SFSWAP: variants seen among roughly 807,000 people sequenced by gnomAD.
SFSWAP encodes splicing factor, suppressor of white-apricot homolog.
In SFSWAP, 17 loss-of-function variants were observed where a neutral mutation model predicts 100.7. The ratio of observed to expected loss-of-function variants is 0.17; its 90% CI spans 0.12 to 0.25. The LOEUF is 0.25. Ranked by LOEUF, SFSWAP falls within the 10% of genes least tolerant of loss-of-function variation. SFSWAP has a pLI of 1.00. For synonymous variants in SFSWAP, 504 were observed against 510.1 expected (o/e 0.99, Z 0.16); for missense variants, 1,005 against 1,262.6 (o/e 0.80, Z 3.09).
At chr12:131,743,645 A>C (rs1213687331) in intron 7 of SFSWAP, among the ~76,000 whole-genome samples, 2 of 152,182 alleles carry the variant, frequency 1.3e-5, no homozygotes, top group African/African-American at 4.8e-5. Context: ...GCACGGTGCA[A>C]GCTGTTGGTG....
chr12:131,775,612 A>T (rs1883959818), intron 13 of SFSWAP, among the ~76,000 whole-genome samples: 1 of 152,194 alleles, frequency 6.6e-6, no homozygotes, highest in African/African-American at 2.4e-5. Flanking sequence ...GGGAGAGGCC[A>T]TAGCTAGGAT....
At chr12:131,735,688 C>G (rs989734969) in intron 7 of SFSWAP, among the ~76,000 whole-genome samples, 1 of 152,232 alleles carries the variant, frequency 6.6e-6, no homozygotes, top group African/African-American at 2.4e-5. Flanking sequence ...GTGGTCCTCA[C>G]GTGAGCTGCA....
chr12:131,799,431 G>A lies in SFSWAP; in HGVS notation c.2799G>A (p.Met933Ile). ...TGTCTCGCCCTGCACAGGATCTCAT[G>A]GCCAAAGTCAGAGCGATGCTTGCAG... ...SVQSKITQDLMAKVRAMLAAS... is the reference protein window; with the variant it reads ...SVQSKITQDLIAKVRAMLAAS... The change falls in exon 18 of 18, where the codon ATG becomes ATA. Residue 933 changes from methionine to isoleucine, a missense_variant. Physicochemically the swap from Met to Ile is conservative, Grantham distance 10. Coordinates refer to ENST00000261674, the MANE Select transcript of SFSWAP (RefSeq NM_004592.4). 1 of 1,614,140 alleles carries A rather than the reference G, an allele frequency of 6.2e-7. No homozygotes were observed. The highest frequency in any genetic ancestry group is 1.1e-5 in the South Asian group (1 of 91,076).
At position 131,799,560 on chromosome 12, in the gene SFSWAP, A is replaced by G. The variant is rs762091882; in HGVS notation, c.*72A>G. 4 of 1,298,034 alleles carry G rather than the reference A, an allele frequency of 3.1e-6. No homozygotes were observed. Among genetic ancestry groups the G allele is most frequent in the Non-Finnish European group, 4.4e-6 (4 of 918,310 alleles). The allele number at this position is 1,298,034 out of a possible 1,614,324, so 80.4% of individuals were successfully genotyped here. A position where few individuals can be genotyped will look rare whatever the true frequency, so the allele number is the denominator to read the frequency against. On this transcript the variant is annotated 3_prime_UTR_variant, in exon 18 of 18. Transcript: ENST00000261674. ...GCAGGCTCACGCAGACGCCGGCCACACCATCCACCTGGCCGCCTCCATGGA... is the reference window on the plus strand; with the variant it reads ...GCAGGCTCACGCAGACGCCGGCCACGCCATCCACCTGGCCGCCTCCATGGA...
intron 7 of SFSWAP, among the ~76,000 whole-genome samples, chr12:131,751,127 G>T (rs531490202): frequency 6.6e-6 from 1 of 152,230 alleles, no homozygotes; most frequent in African/African-American, 2.4e-5. Context: ...AACAGTCTGC[G>T]TGTTCTTTAA....
chr12:131,735,913 A>C (rs1319306556), intron 7 of SFSWAP, among the ~76,000 whole-genome samples: 2 of 152,252 alleles, frequency 1.3e-5, no homozygotes, highest in East Asian at 3.8e-4. Flanking sequence ...GTTTGCATAA[A>C]TTTTCATCAA....
At chr12:131,762,925 C>G (rs975182903) in intron 11 of SFSWAP, among the ~76,000 whole-genome samples, 4 of 152,040 alleles carry the variant, frequency 2.6e-5, no homozygotes, top group Non-Finnish European at 2.9e-5. Flanking sequence ...TGGAAAATCT[C>G]AAACATGTAC....
In SFSWAP at chr12:131,711,103, C is replaced by A; in HGVS notation, c.-127C>A. ...TGCCCCTCCACCATTTTGTGGCCCG[C>A]TATGGCGGCGGTGTTGAGGTTGGGT... On this transcript the variant is annotated 5_prime_UTR_variant, in exon 1 of 18. Transcript: ENST00000261674. The surrounding 1 kb of genome is among the most constrained non-coding windows in gnomAD (Gnocchi z 4.9). 1 of 745,424 alleles carries A rather than the reference C, an allele frequency of 1.3e-6. No individual in the cohort carries two copies. Among genetic ancestry groups the A allele is most frequent in the Non-Finnish European group, 2.1e-6 (1 of 473,496 alleles). The allele number at this position is 745,424 out of a possible 1,614,324, so 46.2% of individuals were successfully genotyped here.
chr12:131,719,563 G>A (rs756997802), intron 4 of SFSWAP, 24 bp downstream of exon 4: 1 of 1,538,704 alleles, frequency 6.5e-7, no homozygotes, highest in Admixed American at 1.7e-5. Context: ...ATGAGCACTA[G>A]TTGTCGTCAT....
In SFSWAP at chr12:131,797,230, A is replaced by C; in HGVS notation, c.2587A>C (p.Lys863Gln). The C allele has an allele frequency of 1.2e-6, 2 of 1,612,450 alleles. No homozygotes were observed. The highest frequency in any genetic ancestry group is 1.7e-4 in the Middle Eastern group (1 of 6,060). ...GCGGTCCCGGTCGCGGACCAAGTCC[A>C]AGGCCAGGTCTCAGTCGGTGTCACC... ...KRRSRSRTKS[K>Q]ARSQSVSPSK... The change falls in exon 16 of 18, where the codon AAG (lysine) becomes CAG (glutamine). Residue 863 changes from lysine (K) to glutamine (Q), a missense_variant. By Grantham distance (53) the Lys-to-Gln change is moderately conservative. Coordinates refer to ENST00000261674, the MANE Select transcript of SFSWAP (RefSeq NM_004592.4).
At position 131,725,843 on chromosome 12, in the gene SFSWAP, T is replaced by C. The variant is rs1878915948; in HGVS notation, c.832+213T>C. Among the ~76,000 whole-genome samples the C allele has an allele frequency of 6.6e-6, 1 of 152,224 alleles. No homozygotes were observed. The highest frequency in any genetic ancestry group is 6.5e-5 in the Admixed American group (1 of 15,288). On this transcript the variant is annotated intron_variant, in intron 5 of 17. Transcript: ENST00000261674. The surrounding 1 kb of genome is among the most constrained non-coding windows in gnomAD (Gnocchi z 4.3). ...CCTTTATTAAATCTTTGGTTAATAT[T>C]TTATAGATAAATGAAATATAACTAA...
chr12:131,733,167 C>T lies in SFSWAP; in HGVS notation c.1081+4739C>T, dbSNP rs1330582216. On this transcript the variant is annotated intron_variant, in intron 7 of 17. Transcript: ENST00000261674. The surrounding 1 kb of genome is among the most constrained non-coding windows in gnomAD (Gnocchi z 5.1). ...CATTTTGGCCATGGACTTGAAACGT[C>T]AGCTGTATGAGAGCGGGCGGGGGAT... is the stretch of plus-strand genomic sequence containing the variant. Among the ~76,000 whole-genome samples the T allele has an allele frequency of 6.6e-6, 1 of 152,168 alleles. No homozygotes were observed. Among genetic ancestry groups the T allele is most frequent in the Non-Finnish European group, 1.5e-5 (1 of 68,042 alleles).
rs1878834730 is a variant in SFSWAP, at chr12:131,725,123, T to TA, written c.607-279dup. Among the ~76,000 whole-genome samples, 4 of 152,228 alleles carry TA rather than the reference T, an allele frequency of 2.6e-5. No individual in the cohort carries two copies. In the South Asian group the frequency reaches 8.3e-4, roughly 32 times the overall value. Reference sequence around the variant, plus strand: ...CTGAATTCCATCATAGAGCTGAACTTAAATATATAGAAAAATGTTGACTTG... The same window carrying TA: ...CTGAATTCCATCATAGAGCTGAACTTAAAATATATAGAAAAATGTTGACTTG... On this transcript the variant is annotated intron_variant, in intron 4 of 17. Transcript: ENST00000261674. The surrounding 1 kb of genome is among the most constrained non-coding windows in gnomAD (Gnocchi z 4.3).
At chr12:131,754,265 CAT>C in intron 8 of SFSWAP, 101 bp from the exon 9 acceptor site, 5 of 840,662 alleles carry the variant, frequency 5.9e-6, no homozygotes, top group African/African-American at 1.8e-5. Flanking sequence ...TTATAACTCA[CAT>C]GTCTCTCCGG....
rs1362127140 is a variant in SFSWAP at position 131,756,482 on chromosome 12, G to C, written c.1558G>C (p.Ala520Pro). The change falls in exon 11 of 18, where the codon GCA (alanine) becomes CCA (proline). Residue 520 changes from alanine (A) to proline (P), a missense_variant. Ala to Pro is a conservative substitution (Grantham distance 27, BLOSUM62 -1). This residue lies in a region of SFSWAP where 311 missense variants were observed against 317.8 expected (regional missense o/e 0.98). Coordinates refer to ENST00000261674, the MANE Select transcript of SFSWAP (RefSeq NM_004592.4). ...EGGDSMQAVSAPEEAPTDSAP... is the reference protein window; with the variant it reads ...EGGDSMQAVSPPEEAPTDSAP... Reference sequence around the variant, plus strand: ...GACATTTAATCTCTAGGCTGTGTCTGCACCAGAAGAGGCTCCCACAGACTC... The same window carrying C: ...GACATTTAATCTCTAGGCTGTGTCTCCACCAGAAGAGGCTCCCACAGACTC... 5 of 1,613,804 alleles carry C rather than the reference G, an allele frequency of 3.1e-6. No individual in the cohort carries two copies. Among genetic ancestry groups the C allele is most frequent in the Non-Finnish European group, 3.4e-6 (4 of 1,179,932 alleles).
rs140175097 is a variant in SFSWAP, at chr12:131,795,885, C to T, written c.2535-1293C>T. Among the ~76,000 whole-genome samples, 1,420 of 149,798 alleles carry T rather than the reference C, an allele frequency of 9.5e-3. 29 individuals carry two copies. The highest frequency in any genetic ancestry group is 0.033 in the African/African-American group (1,330 of 40,752). Reference sequence around the variant, plus strand: ...CGAGCGTGAGGCTGAGCCAGGGAGTCCCCCTGGCAGCTTCTGCAGCAGAGG... The same window carrying T: ...CGAGCGTGAGGCTGAGCCAGGGAGTTCCCCTGGCAGCTTCTGCAGCAGAGG... On this transcript the variant is annotated intron_variant, in intron 15 of 17. Coordinates refer to ENST00000261674, the MANE Select transcript of SFSWAP (RefSeq NM_004592.4).
intron 16 of SFSWAP, among the ~76,000 whole-genome samples, chr12:131,797,745 C>T (rs1465369442): frequency 1.3e-5 from 2 of 152,242 alleles, no homozygotes; most frequent in African/African-American, 4.8e-5. Flanking sequence ...CAGGCTGCAA[C>T]GGCCAGGGCC....
chr12:131,770,415 CTT>C (rs1883495523), intron 13 of SFSWAP, among the ~76,000 whole-genome samples: 1 of 152,200 alleles, frequency 6.6e-6, no homozygotes, highest in Non-Finnish European at 1.5e-5. Context: ...AGGACACTCC[CTT>C]ACACAAGGCC....
At chr12:131,759,684 C>T (rs1882484283) in intron 11 of SFSWAP, among the ~76,000 whole-genome samples, 1 of 151,690 alleles carries the variant, frequency 6.6e-6, no homozygotes, top group African/African-American at 2.4e-5. Context: ...GCCTGTAGTC[C>T]CAGCTACTCG....
Sources: gnomAD v4.1 joint callset for allele counts (sites outside exome capture counted in the v4.1 genomes callset) on GRCh38, gnomAD v4.1.1 for gene constraint, gnomAD v4.1.1 regional missense constraint, Gnocchi (gnomAD v3.1) non-coding constraint, MANE v1.5 for transcripts, NCBI Gene and HGNC (gene_info 2026-07-23, HGNC 2026-07-21) for gene names.